Variants in ETFA observed in about 807,000 individuals in gnomAD.
ETFA encodes electron transfer flavoprotein subunit alpha.
A neutral mutation model predicts 46.2 loss-of-function variants in ETFA; 22 were observed. That is an observed-to-expected ratio of 0.48 (90% confidence interval 0.34 to 0.68). The LOEUF is 0.68. ETFA is among the 30% of genes least tolerant of loss of function. The pLI is 0.01. For synonymous variants in ETFA, 131 were observed against 139.9 expected (o/e 0.94, Z 0.45); for missense variants, 345 against 401.1 (o/e 0.86, Z 1.19).
chr15:76,304,494 T>A (rs575841222), intron 1 of ETFA, among the ~76,000 whole-genome samples: 1 of 152,072 alleles, frequency 6.6e-6, no homozygotes, highest in South Asian at 2.1e-4. Context: ...CCTGTTTCTA[T>A]GAAAGATAAA....
At chr15:76,227,512 T>G (rs1047769126) in intron 10 of ETFA, among the ~76,000 whole-genome samples, 1 of 656 alleles carries the variant, frequency 1.5e-3, no homozygotes, top group Non-Finnish European at 7.6e-3. Flanking sequence ...TGAGACTCTG[T>G]CTCAAAAAAA....
chr15:76,295,838 T>C (rs1461440903), intron 1 of ETFA, 101 bp from the exon 2 acceptor site: 2 of 779,754 alleles, frequency 2.6e-6, no homozygotes, highest in Non-Finnish European at 4.1e-6. Flanking sequence ...TAAAGAAAAC[T>C]ATTCTGTACA....
chr15:76,306,027 G>A (rs748592233), intron 1 of ETFA, among the ~76,000 whole-genome samples: 28 of 151,606 alleles, frequency 1.8e-4, no homozygotes, highest in Non-Finnish European at 4.1e-4. Context: ...CCTCATTTTT[G>A]ACATTGTTTT....
At chr15:76,285,435 C>G (rs2039696163) in intron 7 of ETFA, among the ~76,000 whole-genome samples, 1 of 152,182 alleles carries the variant, frequency 6.6e-6, no homozygotes, top group Non-Finnish European at 1.5e-5. Context: ...GTGCCAGTGA[C>G]TAGGTGTGCA....
intron 6 of ETFA, 75 bp downstream of exon 6, chr15:76,286,296 C>A (rs998919937): frequency 1.3e-6 from 1 of 752,850 alleles, no homozygotes; most frequent in South Asian, 1.7e-5. Context: ...AGGCAGAGGT[C>A]ATCTCTTATT....
rs2039066162 is a variant in ETFA, at chr15:76,231,520, G to A, written c.817-122C>T. Reference sequence around the variant, plus strand: ...ATGTTAAATAAAATAGAGGCAAAATGTATTGCTTAAATTATGCTTTTCTTT... The same window carrying A: ...ATGTTAAATAAAATAGAGGCAAAATATATTGCTTAAATTATGCTTTTCTTT... On this transcript the variant is annotated intron_variant, in intron 9 of 11. Transcript: ENST00000557943. The A allele has an allele frequency of 1.3e-5, 8 of 618,582 alleles. No individual in the cohort carries two copies. In the South Asian group the frequency reaches 1.5e-4, roughly 12 times the overall value. 38.3% of individuals were successfully genotyped at this position (618,582 alleles called of 1,614,324 possible).
At chr15:76,275,701 C>A (rs2039584246) in intron 8 of ETFA, among the ~76,000 whole-genome samples, 1 of 152,156 alleles carries the variant, frequency 6.6e-6, no homozygotes, top group African/African-American at 2.4e-5. Context: ...ACCAACTGAG[C>A]ATTTTAAATA....
At chr15:76,299,135 A>C (rs911632076) in intron 1 of ETFA, among the ~76,000 whole-genome samples, 1 of 152,210 alleles carries the variant, frequency 6.6e-6, no homozygotes, top group Non-Finnish European at 1.5e-5. Flanking sequence ...ATTTAAATAA[A>C]AATTAACTAT....
intron 9 of ETFA, among the ~76,000 whole-genome samples, chr15:76,265,839 A>T (rs2039465492): frequency 6.6e-6 from 1 of 152,178 alleles, no homozygotes; most frequent in Non-Finnish European, 1.5e-5. Flanking sequence ...AAAAATGGCC[A>T]ATCAGAACCT....
rs1157687784 is a variant in ETFA at position 76,295,936 on chromosome 15, C to CTTTTTTTT, written c.40-207_40-200dup. On this transcript the variant is annotated intron_variant, in intron 1 of 11. Coordinates refer to ENST00000557943, the MANE Select transcript of ETFA (RefSeq NM_000126.4). The stretch of plus-strand genomic sequence containing the variant: ...TGTCTATCACTGTACCACTAATATT[C>CTTTTTTTT]TTTTTTTTTTTTTTTTTTTTTTTGA... Among the ~76,000 whole-genome samples, 168 of 46,600 alleles carry CTTTTTTTT rather than the reference C, an allele frequency of 3.6e-3. 29 individuals are homozygous for CTTTTTTTT. Among genetic ancestry groups the CTTTTTTTT allele is most frequent in the Non-Finnish European group, 5.6e-3 (132 of 23,544 alleles). 30.6% of individuals were successfully genotyped at this position (46,600 alleles called of 152,430 possible). A position where few individuals can be genotyped will look rare whatever the true frequency, so the allele number is the denominator to read the frequency against.
rs181337548 is a variant in ETFA, at chr15:76,261,719, C to T, written c.816+12693G>A. The T allele has an allele frequency of 1.2e-4, 30 of 256,890 alleles. No homozygotes were observed. The South Asian group carries it at 1.8e-3, about 15-fold the overall frequency. The allele number at this position is 256,890 out of a possible 1,614,324, so 15.9% of individuals were successfully genotyped here. A position where few individuals can be genotyped will look rare whatever the true frequency, so the allele number is the denominator to read the frequency against. ...TGGTGATGCCATACCATGCCAGGCC[C>T]GGCCCACGAGTGAGGAGGGAGGAGG... On this transcript the variant is annotated intron_variant, in intron 9 of 11. Transcript: ENST00000557943.
chr15:76,249,468 G>C (rs2039276112), intron 9 of ETFA, among the ~76,000 whole-genome samples: 2 of 106,000 alleles, frequency 1.9e-5, no homozygotes, highest in Admixed American at 1.1e-4. Flanking sequence ...TTTAGATGGA[G>C]TCTCGTTCTG....
rs528729226 is a variant in ETFA, at chr15:76,289,101, T to C, written c.352-1156A>G. Among the ~76,000 whole-genome samples, 5 of 151,662 alleles carry C rather than the reference T, an allele frequency of 3.3e-5. No homozygotes were observed. In the East Asian group the frequency reaches 9.7e-4, roughly 29 times the overall value. ...CGTCCAGCTCATTTTTTGGTTTATG[T>C]TTTGTTTTTTTCTGTAGAAGCGGGG... On this transcript the variant is annotated intron_variant, in intron 4 of 11. Coordinates refer to ENST00000557943, the MANE Select transcript of ETFA (RefSeq NM_000126.4).
At chr15:76,250,572 G>C (rs2039288418) in intron 9 of ETFA, among the ~76,000 whole-genome samples, 1 of 151,794 alleles carries the variant, frequency 6.6e-6, no homozygotes, top group Admixed American at 6.6e-5. Context: ...TTGCTCTGTT[G>C]ATCAGGCTGG....
In ETFA at chr15:76,284,781, C is replaced by T. The variant is rs191250938; in HGVS notation, c.664+856G>A. 60 of 235,808 alleles carry T rather than the reference C, an allele frequency of 2.5e-4. No individual in the cohort carries two copies. The East Asian group carries it at 9.7e-3, about 38-fold the overall frequency. The allele number at this position is 235,808 out of a possible 1,614,324, so 14.6% of individuals were successfully genotyped here. On this transcript the variant is annotated intron_variant, in intron 7 of 11. Coordinates refer to ENST00000557943, the MANE Select transcript of ETFA (RefSeq NM_000126.4). ...TGCTGGAATTACAGGTGTGAGTCAC[C>T]GCGCTGGGCGTAGTGGCACATGCCT... is the stretch of plus-strand genomic sequence containing the variant.
intron 9 of ETFA, among the ~76,000 whole-genome samples, chr15:76,243,828 A>C (rs1279343182): frequency 1.4e-4 from 22 of 152,072 alleles, no homozygotes; most frequent in South Asian, 6.2e-4. Flanking sequence ...AACAAAAAAA[A>C]AACAAAGTTT....
chr15:76,261,175 GT>G (rs1332484388), intron 9 of ETFA: 4 of 1,534,374 alleles, frequency 2.6e-6, no homozygotes, highest in Admixed American at 1.7e-5. Flanking sequence ...CCCGATCTTC[GT>G]AGTTCCTCTC....
rs1447489016 is a variant in ETFA at position 76,226,198 on chromosome 15, ATT to A, written c.883-271_883-270del. Reference sequence around the variant, plus strand: ...TCTTCTTTTGACTTACAAAAAAAATATTTGATTTTAGGTGAAAAAGTAACAAA... The same window carrying A: ...TCTTCTTTTGACTTACAAAAAAAATATGATTTTAGGTGAAAAAGTAACAAA... On this transcript the variant is annotated intron_variant, in intron 10 of 11. Coordinates refer to ENST00000557943, the MANE Select transcript of ETFA (RefSeq NM_000126.4). 4 of 353,130 alleles carry A rather than the reference ATT, an allele frequency of 1.1e-5. No homozygotes were observed. In the East Asian group the frequency reaches 2.4e-4, roughly 21 times the overall value. 21.9% of individuals were successfully genotyped at this position (353,130 alleles called of 1,614,324 possible). A position where few individuals can be genotyped will look rare whatever the true frequency, so the allele number is the denominator to read the frequency against.
intron 4 of ETFA, among the ~76,000 whole-genome samples, chr15:76,291,822 G>C (rs536095446): frequency 1.3e-5 from 2 of 152,102 alleles, no homozygotes; most frequent in African/African-American, 4.8e-5. Flanking sequence ...AGAGAGCTAA[G>C]ATAACACCCA....
Sources: gnomAD v4.1 joint callset for allele counts (sites outside exome capture counted in the v4.1 genomes callset) on GRCh38, gnomAD v4.1.1 for gene constraint, MANE v1.5 for transcripts, NCBI Gene and HGNC (gene_info 2026-07-23, HGNC 2026-07-21) for gene names.